Variants in EFCAB11 observed in about 807,000 individuals in gnomAD.
EFCAB11 encodes EF-hand calcium-binding domain-containing protein 11.
EFCAB11 carries 14 observed loss-of-function variants against 23.0 expected under a neutral mutation model. The ratio of observed to expected loss-of-function variants is 0.61; its 90% CI spans 0.40 to 0.95. The LOEUF is 0.95. Among genes scored for constraint, EFCAB11 ranks in the 40% least tolerant of loss-of-function variants. The pLI, the probability that EFCAB11 is intolerant of heterozygous loss-of-function variation, is 0.00. For synonymous variants in EFCAB11, 65 were observed against 66.6 expected, an observed-to-expected ratio of 0.98 and a Z score of 0.11; for missense variants, 198 against 195.8, an observed-to-expected ratio of 1.01 and a Z score of -0.07.
intron 5 of EFCAB11, among the ~76,000 whole-genome samples, chr14:89,838,358 G>A (rs8006866): frequency 0.57 from 86,667 of 151,552 alleles, 28,609 homozygotes; most frequent in Non-Finnish European, 0.75. Flanking sequence ...TAATTAGCAG[G>A]ATTGACAGAG....
At chr14:89,824,542 T>C (rs1886629233) in intron 5 of EFCAB11, among the ~76,000 whole-genome samples, 1 of 152,082 alleles carries the variant, frequency 6.6e-6, no homozygotes, top group African/African-American at 2.4e-5. Flanking sequence ...ATGATATAAA[T>C]AATTACATTA....
chr14:89,912,165 A>G (rs549599089), intron 5 of EFCAB11, among the ~76,000 whole-genome samples: 15 of 152,320 alleles, frequency 9.8e-5, no homozygotes, highest in Admixed American at 9.2e-4. Context: ...ACTATGAACT[A>G]TGTGGGTTAA....
At chr14:89,829,875 G>C (rs1886828570) in intron 5 of EFCAB11, 1 of 151,984 alleles carries the variant, frequency 6.6e-6, no homozygotes, top group Admixed American at 6.5e-5. Flanking sequence ...CATGGATCTA[G>C]GATCCATTTA....
chr14:89,945,846 G>A (rs1890959278), intron 3 of EFCAB11, among the ~76,000 whole-genome samples: 2 of 151,094 alleles, frequency 1.3e-5, no homozygotes, highest in Non-Finnish European at 2.9e-5. Flanking sequence ...TTATGGATTT[G>A]TCCATTTTTC....
At chr14:89,816,511 C>G (rs924151329) in intron 5 of EFCAB11, among the ~76,000 whole-genome samples, 1 of 152,144 alleles carries the variant, frequency 6.6e-6, no homozygotes, top group Non-Finnish European at 1.5e-5. Flanking sequence ...CTGGCCCTCA[C>G]CATTACTTGT....
chr14:89,930,706 T>C (rs975121809), intron 5 of EFCAB11, among the ~76,000 whole-genome samples: 2 of 152,180 alleles, frequency 1.3e-5, no homozygotes, highest in East Asian at 1.9e-4. Context: ...TCTGGATCCT[T>C]CCCGACTGTG....
At chr14:89,856,192 C>T (rs113899458) in intron 5 of EFCAB11, among the ~76,000 whole-genome samples, 4 of 136,464 alleles carry the variant, frequency 2.9e-5, no homozygotes, top group Non-Finnish European at 6.1e-5. Context: ...CTCTCTCTCT[C>T]TTTTTTTTTT....
intron 5 of EFCAB11, among the ~76,000 whole-genome samples, chr14:89,845,171 T>C (rs1887392780): frequency 6.6e-6 from 1 of 152,196 alleles, no homozygotes; most frequent in Non-Finnish European, 1.5e-5. Flanking sequence ...ATATTACAGT[T>C]TTTAAAATAT....
intron 5 of EFCAB11, among the ~76,000 whole-genome samples, chr14:89,863,891 T>G (rs1219328277): frequency 6.6e-6 from 1 of 152,226 alleles, no homozygotes; most frequent in Non-Finnish European, 1.5e-5. Flanking sequence ...TTTTTAAAAC[T>G]GAAAATTCAT....
intron 5 of EFCAB11, among the ~76,000 whole-genome samples, chr14:89,889,712 A>G (rs981945327): frequency 1.3e-5 from 2 of 152,252 alleles, no homozygotes; most frequent in Non-Finnish European, 2.9e-5. Context: ...CACATGCCAG[A>G]CAGAGAATGC....
At chr14:89,940,007 G>A (rs1890736580) in intron 3 of EFCAB11, among the ~76,000 whole-genome samples, 1 of 152,154 alleles carries the variant, frequency 6.6e-6, no homozygotes, top group African/African-American at 2.4e-5. Flanking sequence ...AAAGTGCTGG[G>A]ATTACAGGCG....
chr14:89,913,820 TA>T (rs1889754001), intron 5 of EFCAB11, among the ~76,000 whole-genome samples: 1 of 152,186 alleles, frequency 6.6e-6, no homozygotes, highest in African/African-American at 2.4e-5. Flanking sequence ...AATAATATTT[TA>T]AAAAATATTT....
chr14:89,917,938 A>AG (rs1776192280), intron 5 of EFCAB11, among the ~76,000 whole-genome samples: 1 of 152,210 alleles, frequency 6.6e-6, no homozygotes, highest in Admixed American at 6.5e-5. Context: ...TGGACAATAC[A>AG]GTGCAATGAA....
intron 2 of EFCAB11, 121 bp downstream of exon 2, chr14:89,953,785 C>T: frequency 1.4e-6 from 1 of 723,946 alleles, no homozygotes; most frequent in South Asian, 1.9e-5. Context: ...GCACTGGACA[C>T]ATCTCTGAAA....
intron 5 of EFCAB11, among the ~76,000 whole-genome samples, chr14:89,829,328 T>C (rs1170271098): frequency 6.6e-6 from 1 of 152,208 alleles, no homozygotes; most frequent in Non-Finnish European, 1.5e-5. Flanking sequence ...CTTAATGTTG[T>C]ACTAAAAATT....
intron 5 of EFCAB11, among the ~76,000 whole-genome samples, chr14:89,849,663 G>A (rs1341027990): frequency 1.7e-5 from 2 of 116,460 alleles, no homozygotes; most frequent in Non-Finnish European, 3.4e-5. Context: ...TATTCCACCT[G>A]TTCATTATTA....
At chr14:89,897,437 A>G (rs544431758) in intron 5 of EFCAB11, among the ~76,000 whole-genome samples, 1 of 152,070 alleles carries the variant, frequency 6.6e-6, no homozygotes, top group Admixed American at 6.5e-5. Flanking sequence ...TGATCTCCTG[A>G]CCTCGTGATC....
At chr14:89,916,271 C>T (rs1418414882) in intron 5 of EFCAB11, among the ~76,000 whole-genome samples, 1 of 152,136 alleles carries the variant, frequency 6.6e-6, no homozygotes, top group Admixed American at 6.5e-5. Flanking sequence ...ATAAATGGCA[C>T]CAACTCTATG....
At chr14:89,834,594 C>T (rs12100467) in intron 5 of EFCAB11, among the ~76,000 whole-genome samples, 100,347 of 151,876 alleles carry the variant, frequency 0.66, 34,527 homozygotes, top group Non-Finnish European at 0.78. Context: ...GAAAGCTGTT[C>T]GGGAAAGTAG....
Sources: gnomAD v4.1 joint callset for allele counts (sites outside exome capture counted in the v4.1 genomes callset) on GRCh38, gnomAD v4.1.1 for gene constraint, MANE v1.5 for transcripts, NCBI Gene and HGNC (gene_info 2026-07-23, HGNC 2026-07-21) for gene names.